Variants in CCNY observed in about 807,000 individuals in gnomAD.
The protein encoded by CCNY is cyclin-Y.
Under a neutral mutation model 42.8 loss-of-function variants are expected in CCNY, and 19 were observed. The observed-to-expected ratio is 0.44, with a 90% CI of 0.31 to 0.65. The LOEUF is 0.65. Ranked by LOEUF, CCNY falls within the 30% of genes least tolerant of loss-of-function variation. The pLI is 0.07. For missense variants in CCNY, 370 were observed against 437.3 expected, an observed-to-expected ratio of 0.85 and a Z score of 1.37; for synonymous variants, 165 against 162.7, an observed-to-expected ratio of 1.01 and a Z score of -0.11.
At chr10:35,367,456 C>T (rs1466355831) in intron 1 of CCNY, among the ~76,000 whole-genome samples, 1 of 152,088 alleles carries the variant, frequency 6.6e-6, no homozygotes, top group Non-Finnish European at 1.5e-5. Flanking sequence ...TAAATGTGCT[C>T]AATAGATATT....
chr10:35,502,162 A>G (rs145564248), intron 3 of CCNY, among the ~76,000 whole-genome samples: 14 of 152,286 alleles, frequency 9.2e-5, no homozygotes, highest in African/African-American at 3.1e-4. Flanking sequence ...TTGAGCAGAG[A>G]TGTAGCTGGC....
intron 1 of CCNY, among the ~76,000 whole-genome samples, chr10:35,400,534 C>G (rs886608284): frequency 2.6e-5 from 4 of 152,144 alleles, no homozygotes; most frequent in Non-Finnish European, 5.9e-5. Flanking sequence ...AAGCATATTT[C>G]TGTTTTAAAA....
chr10:35,352,615 GCTGGATGCTGGGAATACAAAGGT>G (rs1226946865), intron 1 of CCNY, among the ~76,000 whole-genome samples: 1 of 152,216 alleles, frequency 6.6e-6, no homozygotes, highest in Non-Finnish European at 1.5e-5. Flanking sequence ...CAGCCTCCCT[GCTGGATGCTGGGAATACAAAGGT>G]CAACGTTATT....
intron 4 of CCNY, among the ~76,000 whole-genome samples, chr10:35,518,689 A>G (rs1358972591): frequency 7.4e-6 from 1 of 134,330 alleles, no homozygotes. Flanking sequence ...GCTGAGGTAT[A>G]CTGTGGGTAT....
At chr10:35,320,254 T>C (rs1835805499) in intron 3 of CCNY, among the ~76,000 whole-genome samples, 1 of 152,144 alleles carries the variant, frequency 6.6e-6, no homozygotes. Context: ...CAGCAATATA[T>C]AACAAGGATA....
chr10:35,427,797 A>G (rs1472751223), intron 1 of CCNY, among the ~76,000 whole-genome samples: 1 of 152,096 alleles, frequency 6.6e-6, no homozygotes, highest in Non-Finnish European at 1.5e-5. Context: ...GTGAAGTTAA[A>G]CCTTCCCTGC....
intron 1 of CCNY, among the ~76,000 whole-genome samples, chr10:35,458,655 C>G (rs1164280992): frequency 1.3e-5 from 2 of 152,172 alleles, no homozygotes; most frequent in Admixed American, 1.3e-4. Flanking sequence ...AAAATAAGTA[C>G]TGTAATCTTA....
chr10:35,474,458 G>T (rs958393632), intron 1 of CCNY, among the ~76,000 whole-genome samples: 5 of 152,148 alleles, frequency 3.3e-5, no homozygotes, highest in Admixed American at 3.3e-4. Context: ...CTGGGAACGG[G>T]CAGACTGCCT....
chr10:35,501,737 G>A (rs989695728), intron 3 of CCNY: 7 of 523,558 alleles, frequency 1.3e-5, no homozygotes, highest in African/African-American at 3.8e-5. Flanking sequence ...TTTTCCAGAA[G>A]CCCTAGACCA....
chr10:35,428,691 G>T (rs776346230), intron 1 of CCNY, among the ~76,000 whole-genome samples: 1 of 152,174 alleles, frequency 6.6e-6, no homozygotes, highest in Non-Finnish European at 1.5e-5. Context: ...GACTGGATAT[G>T]TGGGGAGGAG....
At chr10:35,492,726 A>G (rs1839925255) in intron 2 of CCNY, among the ~76,000 whole-genome samples, 1 of 152,214 alleles carries the variant, frequency 6.6e-6, no homozygotes, top group Admixed American at 6.5e-5. Flanking sequence ...GGGCATCATG[A>G]CCCACCCTGG....
At chr10:35,354,021 G>C (rs1261681843) in intron 1 of CCNY, among the ~76,000 whole-genome samples, 1 of 152,038 alleles carries the variant, frequency 6.6e-6, no homozygotes, top group African/African-American at 2.4e-5. Flanking sequence ...GCTCACTTAC[G>C]TGGCCAATGC....
At position 35,568,293 on chromosome 10, in the gene CCNY, G is replaced by A. The variant is rs1195941391; in HGVS notation, c.910-761G>A. Among the ~76,000 whole-genome samples the A allele has an allele frequency of 2.0e-5, 3 of 152,274 alleles. No individual in the cohort carries two copies. The East Asian group carries it at 5.8e-4, about 29-fold the overall frequency. On this transcript the variant is annotated intron_variant, in intron 9 of 9. Coordinates refer to ENST00000374704, the MANE Select transcript of CCNY (RefSeq NM_145012.6). Reference sequence around the variant, plus strand: ...CTGTGTCACGGGCCCTAGGGGTTCAGCAGGGCAGGAGAAAAGGCCAGTCAT... The same window carrying A: ...CTGTGTCACGGGCCCTAGGGGTTCAACAGGGCAGGAGAAAAGGCCAGTCAT...
intron 1 of CCNY, among the ~76,000 whole-genome samples, chr10:35,419,792 T>TA (rs942699573): frequency 2.0e-5 from 3 of 152,088 alleles, no homozygotes; most frequent in Non-Finnish European, 4.4e-5. Context: ...GTGTGGTATA[T>TA]AATACTTTAG....
At chr10:35,548,559 G>A (rs893489810) in intron 7 of CCNY, among the ~76,000 whole-genome samples, 3 of 152,028 alleles carry the variant, frequency 2.0e-5, no homozygotes, top group Non-Finnish European at 2.9e-5. Context: ...GCCTCCCGAC[G>A]TGCTGGGATT....
At chr10:35,433,427 G>T (rs893135586) in intron 1 of CCNY, among the ~76,000 whole-genome samples, 1 of 151,914 alleles carries the variant, frequency 6.6e-6, no homozygotes, top group African/African-American at 2.4e-5. Flanking sequence ...AAGATTTCAG[G>T]GTAGTTATTT....
intron 5 of CCNY, among the ~76,000 whole-genome samples, chr10:35,528,169 CAT>C (rs765551588): frequency 1.3e-5 from 2 of 152,096 alleles, no homozygotes; most frequent in Non-Finnish European, 2.9e-5. Context: ...TTGAATGCCT[CAT>C]AGAGATTCAA....
intron 1 of CCNY, among the ~76,000 whole-genome samples, chr10:35,444,548 A>T (rs1235019626): frequency 6.6e-6 from 1 of 152,188 alleles, no homozygotes; most frequent in South Asian, 2.1e-4. Flanking sequence ...GTGTCTGGCT[A>T]TAACTGTTTG....
At chr10:35,535,288 GAA>G (rs1840861462) in intron 7 of CCNY, among the ~76,000 whole-genome samples, 1 of 151,962 alleles carries the variant, frequency 6.6e-6, no homozygotes, top group Non-Finnish European at 1.5e-5. Context: ...TGCATTCTCT[GAA>G]CAGTAGTCTC....
Sources: gnomAD v4.1 joint callset for allele counts (sites outside exome capture counted in the v4.1 genomes callset) on GRCh38, gnomAD v4.1.1 for gene constraint, MANE v1.5 for transcripts, NCBI Gene and HGNC (gene_info 2026-07-23, HGNC 2026-07-21) for gene names.